The following CHD6 variants were observed in gnomAD, a reference collection of about 807,000 sequenced individuals.
The protein encoded by CHD6 is chromodomain helicase DNA binding protein 6, also known as ATP-dependent chromatin remodeler CHD6.
Under a neutral mutation model 276.9 loss-of-function variants are expected in CHD6, and 50 were observed. The ratio of observed to expected loss-of-function variants is 0.18; its 90% CI spans 0.14 to 0.23. The LOEUF is 0.23. Among genes scored for constraint, CHD6 ranks in the 10% least tolerant of loss-of-function variants. CHD6 has a pLI of 1.00. For missense variants in CHD6, 2,564 were observed against 3,365.8 expected (o/e 0.76, Z 5.89); for synonymous variants, 1,173 against 1,229.3 (o/e 0.95, Z 0.96).
chr20:41,470,311 A>G (rs1023546361), intron 17 of CHD6, among the ~76,000 whole-genome samples: 1 of 151,684 alleles, frequency 6.6e-6, no homozygotes, highest in Non-Finnish European at 1.5e-5. Context: ...AAACTGCTCT[A>G]CATTTCTCAA....
chr20:41,506,397 C>CCT (rs1364908312), intron 5 of CHD6, among the ~76,000 whole-genome samples: 2 of 152,146 alleles, frequency 1.3e-5, no homozygotes, highest in East Asian at 3.9e-4. Context: ...ACCAAGCATG[C>CCT]CTCTACCTCA....
intron 1 of CHD6, among the ~76,000 whole-genome samples, chr20:41,579,468 A>G (rs934333232): frequency 2.0e-5 from 3 of 147,678 alleles, no homozygotes; most frequent in Non-Finnish European, 4.4e-5. Context: ...TTAAAAGGCT[A>G]AAAGAAACAA....
intron 12 of CHD6, among the ~76,000 whole-genome samples, chr20:41,488,973 A>G (rs1357140492): frequency 6.6e-6 from 1 of 152,184 alleles, no homozygotes; most frequent in African/African-American, 2.4e-5. Flanking sequence ...TGAATGCCCA[A>G]AGGAAACTCT....
chr20:41,572,697 A>G (rs979804111), intron 1 of CHD6, among the ~76,000 whole-genome samples: 2 of 152,128 alleles, frequency 1.3e-5, no homozygotes, highest in Non-Finnish European at 2.9e-5. Flanking sequence ...TTGCTTGCCC[A>G]GCAACTGTGT....
At chr20:41,494,002 C>A in intron 8 of CHD6, 58 bp from the exon 9 acceptor site, 1 of 1,269,786 alleles carries the variant, frequency 7.9e-7, no homozygotes, top group Non-Finnish European at 1.1e-6. Context: ...AAATCCAACA[C>A]CTAGGGTGTT....
chr20:41,607,778 A>C (rs1203949107), intron 1 of CHD6, among the ~76,000 whole-genome samples: 3 of 151,630 alleles, frequency 2.0e-5, no homozygotes, highest in Non-Finnish European at 4.4e-5. Context: ...AAAAAAAAAA[A>C]AAAACACCTC....
At chr20:41,535,103 C>T (rs1051146941) in intron 2 of CHD6, among the ~76,000 whole-genome samples, 12 of 152,226 alleles carry the variant, frequency 7.9e-5, no homozygotes, top group East Asian at 3.9e-4. Context: ...CTACTCCCAC[C>T]GAGGCAGCTC....
Position 41,451,055 on chromosome 20 carries a change from G to A in CHD6, c.3574C>T (p.Gln1192Ter). Residue 1192 changes from glutamine (Q) to a stop codon, truncating the protein, a stop_gained, in exon 23 of 37, where the codon CAG (glutamine) becomes TAG (stop). Coordinates refer to ENST00000373233, the MANE Select transcript of CHD6 (RefSeq NM_032221.5). LOFTEE classifies it high-confidence loss of function. ...TCCTTTAGCTCTGGGATTAGCAACT[G>A]GTTCTTCGTCTTCTTCCCCTTCCTC... ...RGRKGKKTKN[Q>*]LLIPELKDAD... 1 of 1,613,966 alleles carries A rather than the reference G, an allele frequency of 6.2e-7. No individual in the cohort carries two copies. Among genetic ancestry groups the A allele is most frequent in the Non-Finnish European group, 8.5e-7 (1 of 1,179,838 alleles).
chr20:41,493,562 T>C lies in CHD6; in HGVS notation c.1290A>G (p.Gln430=), dbSNP rs202245956. The C allele has an allele frequency of 2.5e-6, 4 of 1,613,970 alleles. No homozygotes were observed. The highest frequency in any genetic ancestry group is 1.7e-5 in the Admixed American group (1 of 60,018). The change falls in exon 10 of 37, where the codon CAA becomes CAG. Residue 430 remains glutamine, a synonymous_variant. Transcript: ENST00000373233. ...CCACATGCTTAATTTCAGGGAGAAC[T>C]TGAAGAGATTCAAATTCTTTAACTT... The part of the protein sequence containing the change: ...PAKVKEFESL[Q]VLPEIKHVER...
At chr20:41,423,724 G>C (rs771436076) in intron 29 of CHD6, 24 bp from the exon 30 acceptor site, 14 of 1,588,862 alleles carry the variant, frequency 8.8e-6, no homozygotes, top group African/African-American at 2.7e-5. Context: ...CAGAAAGGAA[G>C]AGTGAGCTCT....
intron 1 of CHD6, among the ~76,000 whole-genome samples, chr20:41,583,194 T>C (rs1021678968): frequency 1.3e-5 from 2 of 151,890 alleles, no homozygotes; most frequent in African/African-American, 4.8e-5. Context: ...ATAAATATAA[T>C]AAATACAATA....
chr20:41,532,054 CTAAATA>C (rs1488459677), intron 3 of CHD6, among the ~76,000 whole-genome samples: 1 of 152,126 alleles, frequency 6.6e-6, no homozygotes, highest in African/African-American at 2.4e-5. Context: ...CCTCAAAATT[CTAAATA>C]TAAAGTTCTC....
chr20:41,433,690 AT>A (rs1417328592), intron 27 of CHD6, among the ~76,000 whole-genome samples: 1 of 152,206 alleles, frequency 6.6e-6, no homozygotes, highest in Non-Finnish European at 1.5e-5. Context: ...AGTAAAAAAA[AT>A]ATGGGTAAAT....
At chr20:41,545,326 A>G (rs1168065501) in intron 2 of CHD6, among the ~76,000 whole-genome samples, 1 of 152,216 alleles carries the variant, frequency 6.6e-6, no homozygotes, top group Non-Finnish European at 1.5e-5. Flanking sequence ...AACATAAAGT[A>G]AGAATAATGA....
At chr20:41,601,891 C>G (rs968835513) in intron 1 of CHD6, among the ~76,000 whole-genome samples, 1 of 152,216 alleles carries the variant, frequency 6.6e-6, no homozygotes. Context: ...TTGGTCCTGT[C>G]ATATTCCTGC....
intron 11 of CHD6, among the ~76,000 whole-genome samples, chr20:41,490,462 T>C (rs983986029): frequency 3.3e-5 from 5 of 152,192 alleles, no homozygotes; most frequent in African/African-American, 1.2e-4. Context: ...TTTGTGTATC[T>C]AAACATGTCT....
Position 41,404,205 on chromosome 20 carries a change from C to G in CHD6, c.*388G>C. ...CAACCCAGCTCACAGAAAAAGAGCT[C>G]CTCTTTGTCTCTGTTCTTCCACCCT... On this transcript the variant is annotated 3_prime_UTR_variant, in exon 37 of 37. Transcript: ENST00000373233. 2.8e-6 allele frequency: 3 copies of G among 1,069,242 alleles called. No individual in the cohort carries two copies. The South Asian group carries it at 1.4e-4, about 49-fold the overall frequency. 66.2% of individuals were successfully genotyped at this position (1,069,242 alleles called of 1,614,324 possible).
At chr20:41,467,825 G>C (rs919981565) in intron 17 of CHD6, among the ~76,000 whole-genome samples, 22 of 150,198 alleles carry the variant, frequency 1.5e-4, no homozygotes, top group African/African-American at 4.6e-4. Flanking sequence ...AAAAAAAAAA[G>C]AGGACATTGA....
At position 41,526,924 on chromosome 20, in the gene CHD6, T is replaced by C. The variant is rs1241970829; in HGVS notation, c.554+6126A>G. On this transcript the variant is annotated intron_variant, in intron 3 of 36. Coordinates refer to ENST00000373233, the MANE Select transcript of CHD6 (RefSeq NM_032221.5). ...AGACCTAATCATTCTCTCTGGGGAA[T>C]CCACTTTTCTAACAAGCTGTCCAGG... 2.0e-5 allele frequency among the ~76,000 whole-genome samples: 3 copies of C among 152,110 alleles called. No homozygotes were observed. The East Asian group carries it at 5.8e-4, about 29-fold the overall frequency.
Sources: allele counts gnomAD v4.1 joint callset (sites outside exome capture counted in the v4.1 genomes callset), GRCh38; gene constraint gnomAD v4.1.1; transcripts MANE v1.5; gene names NCBI Gene and HGNC (gene_info 2026-07-23, HGNC 2026-07-21).